Variants in LHFPL3 observed in about 807,000 individuals in gnomAD.
LHFPL3 encodes the protein LHFPL tetraspan subfamily member 3.
LHFPL3 carries 5 observed loss-of-function variants against 19.3 expected under a neutral mutation model. The observed-to-expected ratio is 0.26, with a 90% CI of 0.14 to 0.54. LHFPL3 has a LOEUF of 0.54. Among genes scored for constraint, LHFPL3 ranks in the 20% least tolerant of loss-of-function variants. The probability of loss-of-function intolerance (pLI) is 0.94; values close to 1 mark genes in which losing one functional copy is unlikely to be tolerated. For synonymous variants in LHFPL3, 133 were observed against 126.2 expected (o/e 1.05, Z -0.36); for missense variants, 249 against 307.4 (o/e 0.81, Z 1.42).
intron 1 of LHFPL3, 148 bp from the exon 2 acceptor site, chr7:104,736,527 A>G (rs1793825118): frequency 3.2e-6 from 2 of 634,806 alleles, no homozygotes; most frequent in East Asian, 5.5e-5. Flanking sequence ...ACACACACAC[A>G]TTCAGAGTGA....
chr7:104,522,839 CA>C (rs1278117741), intron 1 of LHFPL3, among the ~76,000 whole-genome samples: 2 of 152,026 alleles, frequency 1.3e-5, no homozygotes, highest in Non-Finnish European at 2.9e-5. Flanking sequence ...AAGGAGAGAT[CA>C]GCAGGACCTT....
At chr7:104,607,231 T>C (rs573688594) in intron 1 of LHFPL3, among the ~76,000 whole-genome samples, 1 of 152,224 alleles carries the variant, frequency 6.6e-6, no homozygotes, top group Non-Finnish European at 1.5e-5. Context: ...AAAATTAGCT[T>C]CGGCCTATGC....
chr7:104,430,426 A>ATATG (rs1562895241), intron 1 of LHFPL3, among the ~76,000 whole-genome samples: 11 of 11,490 alleles, frequency 9.6e-4, no homozygotes, highest in Non-Finnish European at 1.6e-3. Flanking sequence ...ATACATATAT[A>ATATG]TATATATATA....
chr7:104,500,426 T>C (rs754327215), intron 1 of LHFPL3, among the ~76,000 whole-genome samples: 33 of 152,214 alleles, frequency 2.2e-4, no homozygotes, highest in Non-Finnish European at 4.7e-4. Context: ...ATTTCACCTT[T>C]ATGAAGGAAA....
chr7:104,417,534 T>A (rs1791645832), intron 1 of LHFPL3, among the ~76,000 whole-genome samples: 1 of 152,230 alleles, frequency 6.6e-6, no homozygotes, highest in Admixed American at 6.5e-5. Context: ...TGGTCTGTTT[T>A]TATTGGGGTC....
chr7:104,811,933 TC>T (rs969359750), intron 2 of LHFPL3, among the ~76,000 whole-genome samples: 3 of 151,932 alleles, frequency 2.0e-5, no homozygotes, highest in Non-Finnish European at 4.4e-5. Context: ...AATTAATGTG[TC>T]CCCCCAACAA....
chr7:104,568,520 G>A (rs919044504), intron 1 of LHFPL3, among the ~76,000 whole-genome samples: 1 of 152,188 alleles, frequency 6.6e-6, no homozygotes, highest in African/African-American at 2.4e-5. Context: ...TTGTTGCACA[G>A]TTAATACTAG....
intron 1 of LHFPL3, among the ~76,000 whole-genome samples, chr7:104,661,871 T>TCAC (rs1207277844): frequency 6.6e-6 from 1 of 152,204 alleles, no homozygotes; most frequent in East Asian, 1.9e-4. Context: ...TCCAAATTGT[T>TCAC]AGCATGACTA....
intron 1 of LHFPL3, among the ~76,000 whole-genome samples, chr7:104,604,656 G>A (rs1259743513): frequency 2.0e-5 from 3 of 152,270 alleles, no homozygotes; most frequent in Non-Finnish European, 2.9e-5. Context: ...TTAAAGTGCT[G>A]GAATTCTAAT....
intron 1 of LHFPL3, among the ~76,000 whole-genome samples, chr7:104,684,665 G>T (rs1161288784): frequency 2.0e-5 from 3 of 152,166 alleles, no homozygotes; most frequent in African/African-American, 7.2e-5. Flanking sequence ...TGCCACTGAT[G>T]TGCTCTGGTA....
chr7:104,750,155 G>C (rs1333943987), intron 2 of LHFPL3, among the ~76,000 whole-genome samples: 1 of 152,218 alleles, frequency 6.6e-6, no homozygotes, highest in African/African-American at 2.4e-5. Context: ...TCAGTACTTT[G>C]ATACACTTCT....
chr7:104,565,401 A>G (rs192391842), intron 1 of LHFPL3, among the ~76,000 whole-genome samples: 1 of 152,352 alleles, frequency 6.6e-6, no homozygotes, highest in Non-Finnish European at 1.5e-5. Context: ...GCAGTCTTCA[A>G]AAAGCTGTAT....
intron 2 of LHFPL3, among the ~76,000 whole-genome samples, chr7:104,792,876 C>T (rs913184704): frequency 1.3e-5 from 2 of 152,120 alleles, no homozygotes; most frequent in South Asian, 2.1e-4. Flanking sequence ...CAGTCTGCAT[C>T]GGATCCTGCT....
intron 2 of LHFPL3, among the ~76,000 whole-genome samples, chr7:104,871,549 C>A (rs1301877163): frequency 6.6e-6 from 1 of 152,132 alleles, no homozygotes; most frequent in Admixed American, 6.5e-5. Context: ...ATAAAATTAA[C>A]CTTAGCTTAC....
At chr7:104,690,067 GC>G (rs112148733) in intron 1 of LHFPL3, among the ~76,000 whole-genome samples, 2 of 152,232 alleles carry the variant, frequency 1.3e-5, no homozygotes, top group African/African-American at 4.8e-5. Context: ...AGAGATTAGT[GC>G]CACCATCAAG....
intron 2 of LHFPL3, among the ~76,000 whole-genome samples, chr7:104,901,813 G>A (rs1025197518): frequency 6.6e-6 from 1 of 151,964 alleles, no homozygotes; most frequent in Non-Finnish European, 1.5e-5. Context: ...AAGCAATCCT[G>A]CCACCTTAGC....
At chr7:104,819,332 C>T (rs1361002028) in intron 2 of LHFPL3, among the ~76,000 whole-genome samples, 1 of 150,934 alleles carries the variant, frequency 6.6e-6, no homozygotes, top group Non-Finnish European at 1.5e-5. Context: ...TGCTGTTCTT[C>T]ACCCATCTCC....
At chr7:104,465,591 A>G (rs529243709) in intron 1 of LHFPL3, among the ~76,000 whole-genome samples, 6 of 152,234 alleles carry the variant, frequency 3.9e-5, no homozygotes, top group Admixed American at 6.5e-5. Flanking sequence ...CCTTCTTTAC[A>G]TGGCAACAGG....
At chr7:104,362,938 G>A (rs1325425623) in intron 1 of LHFPL3, among the ~76,000 whole-genome samples, 1 of 152,174 alleles carries the variant, frequency 6.6e-6, no homozygotes, top group Non-Finnish European at 1.5e-5. Flanking sequence ...GCATCAGAAT[G>A]CAGGGTCTGA....
Sources: allele counts gnomAD v4.1 joint callset (sites outside exome capture counted in the v4.1 genomes callset), GRCh38; gene constraint gnomAD v4.1.1; transcripts MANE v1.5; gene names NCBI Gene and HGNC (gene_info 2026-07-23, HGNC 2026-07-21).